The following TRPM3 variants were observed in gnomAD, a reference collection of about 807,000 sequenced individuals.
The protein encoded by TRPM3 is transient receptor potential cation channel subfamily M member 3, also known as long transient receptor potential channel 3.
Under a neutral mutation model 181.2 loss-of-function variants are expected in TRPM3, and 77 were observed. The observed-to-expected ratio is 0.42, with a 90% CI of 0.35 to 0.51. The LOEUF (loss-of-function observed/expected upper bound fraction) is 0.51, where lower values mean the gene tolerates loss of function less well. Among genes scored for constraint, TRPM3 ranks in the 20% least tolerant of loss-of-function variants. The probability of loss-of-function intolerance (pLI) is 0.01; values close to 1 mark genes in which losing one functional copy is unlikely to be tolerated. For synonymous variants in TRPM3, 745 were observed against 796.4 expected (o/e 0.94, Z 1.09); for missense variants, 1,759 against 2,196.7 (o/e 0.80, Z 3.98).
intron 1 of TRPM3, among the ~76,000 whole-genome samples, chr9:71,358,576 C>T (rs888234338): frequency 6.6e-6 from 1 of 152,154 alleles, no homozygotes; most frequent in Non-Finnish European, 1.5e-5. Flanking sequence ...AGCCTAAATG[C>T]CTATCTATCA....
At chr9:71,355,254 T>C (rs4392964) in intron 1 of TRPM3, among the ~76,000 whole-genome samples, 14,958 of 152,272 alleles carry the variant, frequency 0.098, 962 homozygotes, top group Non-Finnish European at 0.15. Flanking sequence ...AAAAGTTTTT[T>C]ACAGATATGA....
intron 8 of TRPM3, among the ~76,000 whole-genome samples, chr9:70,750,528 G>C (rs142335860): frequency 2.0e-3 from 304 of 152,276 alleles, no homozygotes; most frequent in African/African-American, 7.0e-3. Context: ...TCCTTTCTGG[G>C]ACTAGGTAGG....
At chr9:71,008,955 C>T (rs2097707763) in intron 1 of TRPM3, among the ~76,000 whole-genome samples, 1 of 152,162 alleles carries the variant, frequency 6.6e-6, no homozygotes, top group African/African-American at 2.4e-5. Context: ...ATCACATTAA[C>T]AGAATTAATT....
intron 1 of TRPM3, among the ~76,000 whole-genome samples, chr9:71,071,871 G>C (rs1369843960): frequency 6.6e-6 from 1 of 152,168 alleles, no homozygotes; most frequent in African/African-American, 2.4e-5. Flanking sequence ...TTCACATAGA[G>C]GGAATCAATA....
intron 1 of TRPM3, among the ~76,000 whole-genome samples, chr9:71,173,510 T>TA (rs1323343908): frequency 6.6e-6 from 1 of 152,216 alleles, no homozygotes; most frequent in Non-Finnish European, 1.5e-5. Flanking sequence ...AGAAACAAGT[T>TA]ACGCTTTGCC....
chr9:70,803,542 A>G (rs1265377831), intron 6 of TRPM3, among the ~76,000 whole-genome samples: 2 of 134,000 alleles, frequency 1.5e-5, no homozygotes, highest in African/African-American at 5.6e-5. Context: ...TCCGCCTCCC[A>G]GGTTCATGCT....
intron 1 of TRPM3, among the ~76,000 whole-genome samples, chr9:71,194,939 G>A (rs576249127): frequency 2.3e-4 from 35 of 151,900 alleles, no homozygotes; most frequent in African/African-American, 6.8e-4. Context: ...TTCTAAGTAC[G>A]TCCTTAAGGA....
intron 1 of TRPM3, among the ~76,000 whole-genome samples, chr9:70,999,539 T>C (rs1767758269): frequency 6.6e-6 from 1 of 152,152 alleles, no homozygotes. Flanking sequence ...TCATAGGAAA[T>C]GAAAGACTGG....
chr9:71,152,051 T>C (rs1308697136), intron 1 of TRPM3, among the ~76,000 whole-genome samples: 2 of 152,098 alleles, frequency 1.3e-5, no homozygotes, highest in African/African-American at 4.8e-5. Flanking sequence ...CATGGCCGAT[T>C]TTATGATAAT....
intron 1 of TRPM3, among the ~76,000 whole-genome samples, chr9:70,894,423 C>T (rs2096253877): frequency 1.3e-5 from 2 of 152,030 alleles, no homozygotes; most frequent in Admixed American, 1.3e-4. Context: ...CACTGGTTTG[C>T]TACATTCAGC....
chr9:70,534,293 C>T lies in TRPM3; in HGVS notation c.*1660G>A, dbSNP rs528068685. On this transcript the variant is annotated 3_prime_UTR_variant, in exon 26 of 26. Transcript: ENST00000677713. ...ATTTCAGACAAAAAAGGGCAGAAGG[C>T]GAGCAGTGAGTCATTTTGACAACTC... 6.6e-5 allele frequency: 10 copies of T among 152,120 alleles called. No individual in the cohort carries two copies. The highest frequency in any genetic ancestry group is 4.2e-4 in the South Asian group (2 of 4,818). 9.4% of individuals were successfully genotyped at this position (152,120 alleles called of 1,614,324 possible).
intron 8 of TRPM3, among the ~76,000 whole-genome samples, chr9:70,699,264 T>C (rs753972342): frequency 2.6e-5 from 4 of 152,296 alleles, no homozygotes; most frequent in Admixed American, 2.0e-4. Context: ...ACAAAGGTCA[T>C]TTCTGGCTGG....
At chr9:71,108,161 G>T (rs1179202690) in intron 1 of TRPM3, among the ~76,000 whole-genome samples, 1 of 152,116 alleles carries the variant, frequency 6.6e-6, no homozygotes, top group African/African-American at 2.4e-5. Context: ...CAGAAATACT[G>T]TCTTTATAGT....
At chr9:70,558,398 G>T (rs1050005780) in intron 22 of TRPM3, among the ~76,000 whole-genome samples, 6 of 152,116 alleles carry the variant, frequency 3.9e-5, no homozygotes, top group Non-Finnish European at 7.4e-5. Context: ...TTCATATTTT[G>T]GGCACCTCAT....
intron 1 of TRPM3, among the ~76,000 whole-genome samples, chr9:71,147,426 C>CACAG (rs954704721): frequency 1.5e-5 from 2 of 137,228 alleles, no homozygotes; most frequent in Non-Finnish European, 3.0e-5. Context: ...AACACACAGA[C>CACAG]ACACACACAC....
chr9:70,550,199 G>A (rs569217242), intron 24 of TRPM3, among the ~76,000 whole-genome samples: 1 of 152,316 alleles, frequency 6.6e-6, no homozygotes, highest in South Asian at 2.1e-4. Context: ...AAAGAAGTCT[G>A]CTGCAGGGAG....
chr9:70,699,764 C>T (rs1035284842), intron 8 of TRPM3, among the ~76,000 whole-genome samples: 1 of 152,124 alleles, frequency 6.6e-6, no homozygotes, highest in Non-Finnish European at 1.5e-5. Flanking sequence ...TGGGGCCCAG[C>T]TTCAGGGAAG....
At chr9:70,578,099 A>G (rs777664275) in intron 22 of TRPM3, among the ~76,000 whole-genome samples, 9 of 152,212 alleles carry the variant, frequency 5.9e-5, no homozygotes, top group Non-Finnish European at 8.8e-5. Flanking sequence ...GTGAATGTTT[A>G]AAACTGTTTT....
intron 1 of TRPM3, among the ~76,000 whole-genome samples, chr9:71,167,260 T>A (rs10868965): frequency 0.4 from 61,490 of 152,032 alleles, 12,715 homozygotes; most frequent in East Asian, 0.52. Flanking sequence ...ACTACCTAGA[T>A]GATTTCTTCA....
Sources: gnomAD v4.1 joint callset for allele counts (sites outside exome capture counted in the v4.1 genomes callset) on GRCh38, gnomAD v4.1.1 for gene constraint, MANE v1.5 for transcripts, NCBI Gene and HGNC (gene_info 2026-07-23, HGNC 2026-07-21) for gene names.